Variants in COG5 observed in about 807,000 individuals in gnomAD.
COG5 encodes component of oligomeric golgi complex 5.
In COG5, 86 loss-of-function variants were observed where a neutral mutation model predicts 110.4. The ratio of observed to expected loss-of-function variants is 0.78; its 90% confidence interval spans 0.65 to 0.93. The LOEUF is 0.93. Among genes scored for constraint, COG5 ranks in the 40% least tolerant of loss-of-function variants. The probability of loss-of-function intolerance (pLI) is 0.00; values close to 1 mark genes in which losing one functional copy is unlikely to be tolerated. For synonymous variants in COG5, 360 were observed against 334.6 expected, an observed-to-expected ratio of 1.08 and a Z score of -0.83; for missense variants, 1,077 against 987.0, an observed-to-expected ratio of 1.09 and a Z score of -1.22.
chr7:107,505,119 T>C (rs2712201), intron 6 of COG5, among the ~76,000 whole-genome samples: 42,072 of 152,090 alleles, frequency 0.28, 5,862 homozygotes, highest in East Asian at 0.33. Context: ...CTTAATCTCA[T>C]TCCCCTGTGA....
intron 11 of COG5, among the ~76,000 whole-genome samples, chr7:107,305,023 C>T (rs1022214077): frequency 2.6e-5 from 4 of 152,058 alleles, no homozygotes; most frequent in African/African-American, 7.3e-5. Flanking sequence ...TCAGGAAGTG[C>T]TAAATGTCTT....
intron 7 of COG5, among the ~76,000 whole-genome samples, chr7:107,412,211 A>G (rs969958596): frequency 2.0e-5 from 3 of 152,160 alleles, no homozygotes; most frequent in African/African-American, 7.2e-5. Context: ...TGCTTTAGAC[A>G]AAGCAGGCAT....
chr7:107,489,247 G>A (rs541570464), intron 6 of COG5, among the ~76,000 whole-genome samples: 6 of 152,110 alleles, frequency 3.9e-5, no homozygotes, highest in East Asian at 3.9e-4. Flanking sequence ...TAAACTCTTC[G>A]CTAAAATGTA....
At chr7:107,206,818 T>C (rs2116141267) in intron 21 of COG5, among the ~76,000 whole-genome samples, 1 of 152,354 alleles carries the variant, frequency 6.6e-6, no homozygotes, top group Non-Finnish European at 1.5e-5. Context: ...AAGATTAAGC[T>C]GCCCTCCCAC....
At chr7:107,243,990 T>C (rs188111099) in intron 17 of COG5, among the ~76,000 whole-genome samples, 108 of 152,328 alleles carry the variant, frequency 7.1e-4, no homozygotes, top group Non-Finnish European at 1.3e-3. Context: ...CTCATGCCTG[T>C]AATCCCAGCA....
intron 11 of COG5, among the ~76,000 whole-genome samples, chr7:107,319,753 T>C (rs1233983095): frequency 6.6e-6 from 1 of 152,152 alleles, no homozygotes; most frequent in East Asian, 1.9e-4. Context: ...TAATCTCTAA[T>C]TTATTATGCT....
chr7:107,419,563 T>A (rs912741571), intron 6 of COG5, among the ~76,000 whole-genome samples: 5 of 151,824 alleles, frequency 3.3e-5, no homozygotes, highest in Middle Eastern at 6.8e-3. Flanking sequence ...ATAAAGAATT[T>A]ATAGATTTTT....
chr7:107,205,151 C>T (rs957728329), intron 21 of COG5, among the ~76,000 whole-genome samples: 7 of 152,186 alleles, frequency 4.6e-5, no homozygotes, highest in African/African-American at 1.7e-4. Flanking sequence ...CATATTATAG[C>T]AAGAGATTTC....
At chr7:107,299,853 A>ATATATATATATATATATATC (rs1204392279) in intron 11 of COG5, among the ~76,000 whole-genome samples, 1 of 126,446 alleles carries the variant, frequency 7.9e-6, no homozygotes, top group Non-Finnish European at 1.7e-5. Context: ...ATATATATAT[A>ATATATATATATATATATATC]TATATCTGGA....
chr7:107,368,986 A>G lies in COG5; in HGVS notation c.835+3609T>C, dbSNP rs190166954. ...GGGTTTTGTAGTTTGTTTTTAAGAG[A>G]CAGAGTCTTGTTATGTTGCTGAGGC... is the stretch of plus-strand genomic sequence containing the variant. On this transcript the variant is annotated intron_variant, in intron 8 of 21. Coordinates refer to ENST00000297135, the MANE Select transcript of COG5 (RefSeq NM_006348.5). Among the ~76,000 whole-genome samples the G allele has an allele frequency of 1.6e-4, 24 of 152,286 alleles. No individual in the cohort carries two copies. The East Asian group carries it at 4.1e-3, about 26-fold the overall frequency.
intron 11 of COG5, among the ~76,000 whole-genome samples, chr7:107,309,609 T>C (rs971603899): frequency 5.3e-5 from 8 of 152,132 alleles, no homozygotes; most frequent in Non-Finnish European, 7.4e-5. Flanking sequence ...CCTTTAAGGG[T>C]ATCCCAGTAG....
Position 107,220,953 on chromosome 7 carries a change from T to C in COG5, c.2168+9662A>G, listed in dbSNP as rs116065494. ...CTGCCTCAGCTTCCCAAGTAGCTGA[T>C]GACAGGCGCCTGCCATCACACCCAG... On this transcript the variant is annotated intron_variant, in intron 19 of 21. Transcript: ENST00000297135. Among the ~76,000 whole-genome samples, 666 of 151,914 alleles carry C rather than the reference T, an allele frequency of 4.4e-3. 5 individuals carry two copies. Among genetic ancestry groups the C allele is most frequent in the African/African-American group, 0.016 (645 of 41,414 alleles).
chr7:107,467,104 A>G (rs17154119), intron 6 of COG5, among the ~76,000 whole-genome samples: 2,255 of 152,298 alleles, frequency 0.015, 57 homozygotes, highest in African/African-American at 0.052. Context: ...GACTTCCCAT[A>G]GGAGGAATTA....
At chr7:107,269,102 T>C (rs986505665) in intron 14 of COG5, among the ~76,000 whole-genome samples, 11 of 152,240 alleles carry the variant, frequency 7.2e-5, no homozygotes, top group African/African-American at 1.9e-4. Flanking sequence ...TTTCCTTTTT[T>C]ACCCTTTTCC....
At chr7:107,268,333 A>T (rs1479534364) in intron 14 of COG5, among the ~76,000 whole-genome samples, 3 of 152,232 alleles carry the variant, frequency 2.0e-5, no homozygotes, top group Non-Finnish European at 4.4e-5. Context: ...ATAATAAAAA[A>T]GTGTATTACT....
chr7:107,461,066 A>G (rs1389091992), intron 6 of COG5, among the ~76,000 whole-genome samples: 1 of 152,146 alleles, frequency 6.6e-6, no homozygotes, highest in African/African-American at 2.4e-5. Flanking sequence ...TCAAAATTGG[A>G]GAAAAAGAAC....
chr7:107,563,300 G>GA (rs142660332), intron 1 of COG5, among the ~76,000 whole-genome samples: 6,343 of 148,280 alleles, frequency 0.043, 187 homozygotes, highest in Middle Eastern at 0.13. Context: ...CATAAAGGAG[G>GA]AAAAAAAAAA....
intron 18 of COG5, among the ~76,000 whole-genome samples, chr7:107,235,564 G>A (rs867005278): frequency 3.9e-5 from 6 of 152,138 alleles, no homozygotes; most frequent in African/African-American, 1.2e-4. Context: ...TTATCCAGGC[G>A]TGGTGGCGCG....
intron 14 of COG5, among the ~76,000 whole-genome samples, chr7:107,281,098 T>C (rs1350233645): frequency 6.6e-6 from 1 of 152,088 alleles, no homozygotes; most frequent in Non-Finnish European, 1.5e-5. Context: ...TCTGAAAGTG[T>C]ATTGACAATG....
Sources: gnomAD v4.1 joint callset for allele counts (sites outside exome capture counted in the v4.1 genomes callset) on GRCh38, gnomAD v4.1.1 for gene constraint, MANE v1.5 for transcripts, NCBI Gene and HGNC (gene_info 2026-07-23, HGNC 2026-07-21) for gene names.